The following GRIK2 variants were observed in gnomAD, a reference collection of about 807,000 sequenced individuals.
The protein encoded by GRIK2 is glutamate receptor ionotropic, kainate 2.
GRIK2 carries 32 observed loss-of-function variants against 100.3 expected under a neutral mutation model. The observed-to-expected ratio is 0.32, with a 90% CI of 0.24 to 0.43. The LOEUF is 0.43. Ranked by LOEUF, GRIK2 falls within the 20% of genes least tolerant of loss-of-function variation. The pLI, the probability that GRIK2 is intolerant of heterozygous loss-of-function variation, is 1.00. For synonymous variants in GRIK2, 417 were observed against 389.4 expected, an observed-to-expected ratio of 1.07 and a Z score of -0.83; for missense variants, 843 against 1,114.9, an observed-to-expected ratio of 0.76 and a Z score of 3.47.
chr6:101,705,415 A>G (rs2128355227), intron 7 of GRIK2, among the ~76,000 whole-genome samples: 1 of 151,884 alleles, frequency 6.6e-6, no homozygotes, highest in South Asian at 2.1e-4. Context: ...GGTATACTAC[A>G]TTACTTATCC....
intron 7 of GRIK2, among the ~76,000 whole-genome samples, chr6:101,795,434 G>A (rs567684223): frequency 3.9e-5 from 6 of 152,282 alleles, no homozygotes; most frequent in African/African-American, 1.2e-4. Flanking sequence ...AGTGGGCTAA[G>A]TGTGCCTGTC....
intron 7 of GRIK2, among the ~76,000 whole-genome samples, chr6:101,767,827 A>G (rs1208100994): frequency 2.0e-5 from 3 of 151,996 alleles, no homozygotes; most frequent in African/African-American, 7.3e-5. Context: ...TCCTTATGTC[A>G]TAAATATAGG....
intron 2 of GRIK2, among the ~76,000 whole-genome samples, chr6:101,423,043 T>C (rs894198807): frequency 3.9e-5 from 6 of 152,190 alleles, no homozygotes; most frequent in African/African-American, 1.4e-4. Context: ...TGCTGAAATA[T>C]AAAAGTCTGA....
intron 9 of GRIK2, among the ~76,000 whole-genome samples, chr6:101,816,602 A>G (rs1306974118): frequency 6.6e-6 from 1 of 152,124 alleles, no homozygotes; most frequent in Non-Finnish European, 1.5e-5. Context: ...GAGGCAGGAG[A>G]ATTGCTTGAA....
At chr6:101,426,262 A>G (rs961037010) in intron 2 of GRIK2, among the ~76,000 whole-genome samples, 1 of 152,152 alleles carries the variant, frequency 6.6e-6, no homozygotes, top group African/African-American at 2.4e-5. Flanking sequence ...CAGGATTCTT[A>G]ATGTCTCTCC....
At chr6:101,583,738 T>C (rs530518631) in intron 2 of GRIK2, among the ~76,000 whole-genome samples, 1 of 152,264 alleles carries the variant, frequency 6.6e-6, no homozygotes, top group South Asian at 2.1e-4. Flanking sequence ...TGTTTAGTGA[T>C]AACTAATGCA....
At chr6:101,748,921 C>T (rs1776612629) in intron 7 of GRIK2, among the ~76,000 whole-genome samples, 1 of 152,096 alleles carries the variant, frequency 6.6e-6, no homozygotes, top group African/African-American at 2.4e-5. Context: ...ACAGTAAATA[C>T]TAAATTTGCA....
At chr6:101,434,361 T>C (rs1395685735) in intron 2 of GRIK2, among the ~76,000 whole-genome samples, 2 of 152,178 alleles carry the variant, frequency 1.3e-5, no homozygotes, top group East Asian at 3.9e-4. Flanking sequence ...AAACTCGAAA[T>C]AGTGGAATTT....
At chr6:101,677,900 A>G (rs1419152435) in intron 5 of GRIK2, among the ~76,000 whole-genome samples, 1 of 152,162 alleles carries the variant, frequency 6.6e-6, no homozygotes, top group African/African-American at 2.4e-5. Context: ...ACAGTAAAAT[A>G]TTTACTTTGA....
intron 2 of GRIK2, among the ~76,000 whole-genome samples, chr6:101,545,472 C>T (rs1315558731): frequency 6.6e-6 from 1 of 152,040 alleles, no homozygotes; most frequent in Non-Finnish European, 1.5e-5. Context: ...GCATATTTTT[C>T]ATTTTACTGC....
At chr6:101,709,637 T>C (rs989914065) in intron 7 of GRIK2, among the ~76,000 whole-genome samples, 2 of 151,728 alleles carry the variant, frequency 1.3e-5, no homozygotes, top group Non-Finnish European at 2.9e-5. Context: ...CTAGTTAATA[T>C]AGAAAAAAAA....
intron 2 of GRIK2, among the ~76,000 whole-genome samples, chr6:101,515,056 C>G (rs1774515044): frequency 6.6e-6 from 1 of 152,088 alleles, no homozygotes; most frequent in Admixed American, 6.6e-5. Context: ...CCCTCCCACT[C>G]TTCCCGCCAA....
chr6:101,666,724 G>A (rs1770059558), intron 4 of GRIK2, among the ~76,000 whole-genome samples: 1 of 152,226 alleles, frequency 6.6e-6, no homozygotes, highest in Non-Finnish European at 1.5e-5. Context: ...AGATATGCCA[G>A]CGTACAGACA....
At chr6:101,563,143 C>T (rs1343824566) in intron 2 of GRIK2, among the ~76,000 whole-genome samples, 5 of 152,178 alleles carry the variant, frequency 3.3e-5, no homozygotes, top group East Asian at 1.9e-4. Context: ...TGCTAATATG[C>T]GACACATGTT....
chr6:101,587,748 A>C (rs1209580624), intron 2 of GRIK2, among the ~76,000 whole-genome samples: 1 of 152,160 alleles, frequency 6.6e-6, no homozygotes, highest in Non-Finnish European at 1.5e-5. Context: ...TAATTTTCAA[A>C]CTAGAACTCT....
At chr6:101,489,218 T>C (rs1400436137) in intron 2 of GRIK2, among the ~76,000 whole-genome samples, 1 of 146,264 alleles carries the variant, frequency 6.8e-6, no homozygotes, top group Admixed American at 6.8e-5. Context: ...AGCTTTATTC[T>C]GTGAGTAAAA....
chr6:101,693,514 A>G (rs2128348286), intron 7 of GRIK2, among the ~76,000 whole-genome samples: 1 of 152,156 alleles, frequency 6.6e-6, no homozygotes, highest in South Asian at 2.1e-4. Context: ...ACATGAAAAA[A>G]TAACTGAAGT....
intron 16 of GRIK2, among the ~76,000 whole-genome samples, chr6:102,063,526 G>A (rs1258840721): frequency 1.3e-5 from 2 of 150,612 alleles, no homozygotes; most frequent in Non-Finnish European, 3.0e-5. Context: ...AGCTACATAT[G>A]TCAATTATCA....
chr6:101,566,391 CTACT>C (rs775529167), intron 2 of GRIK2, among the ~76,000 whole-genome samples: 5 of 152,124 alleles, frequency 3.3e-5, no homozygotes, highest in Middle Eastern at 3.4e-3. Context: ...ATCACTACAG[CTACT>C]TACTTGTGTT....
Sources: gnomAD v4.1 joint callset for allele counts (sites outside exome capture counted in the v4.1 genomes callset) on GRCh38, gnomAD v4.1.1 for gene constraint, MANE v1.5 for transcripts, NCBI Gene and HGNC (gene_info 2026-07-23, HGNC 2026-07-21) for gene names.